The following POLQ variants were observed in gnomAD, a reference collection of about 807,000 sequenced individuals.
The protein encoded by POLQ is epididymis secretory sperm binding protein.
In POLQ, 233 loss-of-function variants were observed where a neutral mutation model predicts 259.2. That is an observed-to-expected ratio of 0.90 (90% CI 0.81 to 1.00). POLQ has a LOEUF of 1.00. Among genes scored for constraint, POLQ ranks in the 50% least tolerant of loss-of-function variants. POLQ has a pLI of 0.00. For synonymous variants in POLQ, 1,025 were observed against 1,048.8 expected (o/e 0.98, Z 0.44); for missense variants, 2,871 against 3,051.6 (o/e 0.94, Z 1.39).
chr3:121,471,403 A>G (rs2047882391), intron 22 of POLQ, among the ~76,000 whole-genome samples: 1 of 152,162 alleles, frequency 6.6e-6, no homozygotes, highest in Admixed American at 6.5e-5. Flanking sequence ...ACTCACATTG[A>G]AAGTACTGTC....
In POLQ at chr3:121,460,186, A is replaced by G. The variant is rs775261164; in HGVS notation, c.7016T>C (p.Leu2339Ser). ...ADYSQLELRI[L>S]AHLSHDRRLI... ...ACGACGATCATGGGATAAATGAGCC[A>G]AGATCCTCAGTTCAAGCTGAGAGTA... Residue 2339 changes from leucine (L) to serine (S), a missense_variant, in exon 25 of 30, where the codon TTG becomes TCG. This residue lies in a region of POLQ where 2,080 missense variants were observed against 2,126.0 expected (regional missense o/e 0.98). Transcript: ENST00000264233. The G allele has an allele frequency of 1.9e-6, 3 of 1,613,710 alleles. No individual in the cohort carries two copies. The highest frequency in any genetic ancestry group is 2.7e-5 in the African/African-American group (2 of 74,920).
At chr3:121,443,020 G>T (rs2047606567) in intron 26 of POLQ, among the ~76,000 whole-genome samples, 1 of 152,038 alleles carries the variant, frequency 6.6e-6, no homozygotes, top group South Asian at 2.1e-4. Flanking sequence ...ACCATGCCCG[G>T]CTAATTTTTG....
chr3:121,476,721 T>G lies in POLQ; in HGVS notation c.6224A>C (p.Lys2075Thr), dbSNP rs367915327. ...QKENLQDVFRKVEMPSQYCLA... is the reference protein window; with the variant it reads ...QKENLQDVFRTVEMPSQYCLA... ...GCAGTACTGAGAGGGCATTTCCACCTTACGGAAAACATCTGGAAGAAAAAA... is the reference window on the plus strand; with the variant it reads ...GCAGTACTGAGAGGGCATTTCCACCGTACGGAAAACATCTGGAAGAAAAAA... The change falls in exon 20 of 30, where the codon AAG (lysine) becomes ACG (threonine). Residue 2075 changes from lysine to threonine, a missense_variant. Around this residue, in one of 3 missense-constraint regions of POLQ, gnomAD observed 2,080 missense variants for 2,126.0 expected, o/e 0.98. Transcript: ENST00000264233. 5 of 1,597,472 alleles carry G rather than the reference T, an allele frequency of 3.1e-6. No individual in the cohort carries two copies. The African/African-American group carries it at 6.8e-5, about 22-fold the overall frequency.
At chr3:121,465,040 T>C (rs2047823843) in intron 24 of POLQ, among the ~76,000 whole-genome samples, 1 of 152,102 alleles carries the variant, frequency 6.6e-6, no homozygotes, top group Non-Finnish European at 1.5e-5. Flanking sequence ...TTTTAAAAAA[T>C]GAGTTTCTGG....
At chr3:121,492,978 C>T (rs886435935) in intron 15 of POLQ, among the ~76,000 whole-genome samples, 1 of 151,868 alleles carries the variant, frequency 6.6e-6, no homozygotes, top group Non-Finnish European at 1.5e-5. Flanking sequence ...GTTTTTAAGT[C>T]ATGTATTATT....
At chr3:121,459,914 G>T (rs2047777119) in intron 25 of POLQ, 136 bp downstream of exon 25, 1 of 672,576 alleles carries the variant, frequency 1.5e-6, no homozygotes, top group Admixed American at 2.7e-5. Flanking sequence ...CATGAGATAA[G>T]CTCAGATGAA....
intron 28 of POLQ, among the ~76,000 whole-genome samples, chr3:121,434,196 C>G (rs142863481): frequency 5.7e-4 from 87 of 152,318 alleles, no homozygotes; most frequent in African/African-American, 2.1e-3. Context: ...CTCTTGTTCC[C>G]CATATGGTCT....
intron 10 of POLQ, 76 bp downstream of exon 10, chr3:121,511,811 T>C (rs1425183721): frequency 4.4e-5 from 50 of 1,142,358 alleles, no homozygotes; most frequent in Middle Eastern, 2.0e-4. Flanking sequence ...TAAATAAAGC[T>C]AAGATTTTCA....
chr3:121,466,442 G>A (rs1321146612), intron 24 of POLQ, among the ~76,000 whole-genome samples: 2 of 150,094 alleles, frequency 1.3e-5, no homozygotes, highest in Non-Finnish European at 3.0e-5. Flanking sequence ...TGTAATCCCA[G>A]CACTTTGGGA....
intron 7 of POLQ, among the ~76,000 whole-genome samples, chr3:121,524,280 C>A (rs1436938014): frequency 6.6e-6 from 1 of 152,086 alleles, no homozygotes. Flanking sequence ...ACAGCCTAGC[C>A]AATATAAACT....
At chr3:121,505,430 G>C (rs560231633) in intron 12 of POLQ, among the ~76,000 whole-genome samples, 1 of 152,156 alleles carries the variant, frequency 6.6e-6, no homozygotes, top group Non-Finnish European at 1.5e-5. Context: ...AGGGAAACTT[G>C]CCCTACCAGA....
intron 8 of POLQ, 51 bp from the exon 9 acceptor site, chr3:121,520,134 T>C: frequency 9.8e-7 from 1 of 1,015,604 alleles, no homozygotes; most frequent in Non-Finnish European, 1.5e-6. Flanking sequence ...GAAAATATTA[T>C]ACGTGTTCAC....
Position 121,539,442 on chromosome 3 carries a change from C to T in POLQ, c.622G>A (p.Asp208Asn), listed in dbSNP as rs1435105893. The T allele has an allele frequency of 1.3e-5, 20 of 1,597,728 alleles. No individual in the cohort carries two copies. Among genetic ancestry groups the T allele is most frequent in the Non-Finnish European group, 1.6e-5 (19 of 1,175,004 alleles). The change falls in exon 4 of 30, where the codon GAT becomes AAT. Residue 208 changes from aspartate (D) to asparagine (N), a missense_variant. Transcript: ENST00000264233. ...TTTCTAACTTTCTTACCTAACAGAT[C>T]CATCTTATTTTCCTCTATGAGGCGA... ...INRLIEENKM[D>N]LLGMVVVDEL... is the part of the protein sequence containing the mutation.
In POLQ at chr3:121,531,993, A is replaced by G. The variant is rs570999440; in HGVS notation, c.960+997T>C. Among the ~76,000 whole-genome samples the G allele has an allele frequency of 3.9e-5, 6 of 152,314 alleles. No individual in the cohort carries two copies. The South Asian group carries it at 1.2e-3, about 32-fold the overall frequency. On this transcript the variant is annotated intron_variant, in intron 6 of 29. Coordinates refer to ENST00000264233, the MANE Select transcript of POLQ (RefSeq NM_199420.4). ...CTCAGAGGCACAACTCTGCACAAAA[A>G]CAGCAGATGCCTCACTCCACCAATG...
At chr3:121,466,363 C>CA (rs751087085) in intron 24 of POLQ, among the ~76,000 whole-genome samples, 1,010 of 94,052 alleles carry the variant, frequency 0.011, 14 homozygotes, top group African/African-American at 0.037. Flanking sequence ...GACTCCGTCT[C>CA]AAAAAAAAAA....
chr3:121,497,764 C>T (rs888609542), intron 13 of POLQ, among the ~76,000 whole-genome samples: 1 of 152,114 alleles, frequency 6.6e-6, no homozygotes, highest in African/African-American at 2.4e-5. Flanking sequence ...AAGAAGCTAA[C>T]AGCCTGTACC....
At position 121,498,498 on chromosome 3, in the gene POLQ, C is replaced by T. The variant is rs989952531; in HGVS notation, c.2132G>A (p.Arg711Gln). ...KVVARTERQH[R>Q]QMAIHKRFFT... ...TTACCTTTTATGGATGGCCATTTGT[C>T]GATGCTGTCTCTCAGTTCTGGCTAC... The change falls in exon 13 of 30, where the codon CGA (arginine) becomes CAA (glutamine). Residue 711 changes from arginine (R) to glutamine (Q), a missense_variant. Physicochemically the swap from Arg to Gln is conservative, Grantham distance 43. Transcript: ENST00000264233. 6.2e-7 allele frequency: 1 copy of T among 1,613,760 alleles called. No homozygotes were observed. Among genetic ancestry groups the T allele is most frequent in the Non-Finnish European group, 8.5e-7 (1 of 1,179,844 alleles).
chr3:121,532,412 A>T (rs969611953), intron 6 of POLQ, among the ~76,000 whole-genome samples: 1 of 152,186 alleles, frequency 6.6e-6, no homozygotes. Flanking sequence ...AAGATCAGTT[A>T]TTTTTTTTAA....
chr3:121,444,493 G>C (rs2108775851), intron 26 of POLQ, among the ~76,000 whole-genome samples: 2 of 152,190 alleles, frequency 1.3e-5, no homozygotes, highest in South Asian at 4.1e-4. Context: ...ATAGTTTTTT[G>C]ATGGAGTCAT....
Sources: gnomAD v4.1 joint callset for allele counts (sites outside exome capture counted in the v4.1 genomes callset) on GRCh38, gnomAD v4.1.1 for gene constraint, gnomAD v4.1.1 regional missense constraint, MANE v1.5 for transcripts, NCBI Gene and HGNC (gene_info 2026-07-23, HGNC 2026-07-21) for gene names.